The following CDC73 variants were observed in gnomAD, a reference collection of about 807,000 sequenced individuals.
The protein encoded by CDC73 is cell division cycle 73, also known as parafibromin.
CDC73 carries 21 observed loss-of-function variants against 83.7 expected under a neutral mutation model. That is an observed-to-expected ratio of 0.25 (90% CI 0.18 to 0.36). The LOEUF (loss-of-function observed/expected upper bound fraction) is 0.36, where lower values mean the gene tolerates loss of function less well. Ranked by LOEUF, CDC73 falls within the 10% of genes least tolerant of loss-of-function variation. CDC73 has a pLI of 1.00. For synonymous variants in CDC73, 224 were observed against 212.9 expected (o/e 1.05, Z -0.45); for missense variants, 342 against 653.3 (o/e 0.52, Z 5.19).
rs140001425 is a variant in CDC73 at position 193,216,570 on chromosome 1, G to A, written c.1154+4093G>A. 4.3e-3 allele frequency among the ~76,000 whole-genome samples: 661 copies of A among 152,112 alleles called. 24 individuals are homozygous for A. Among genetic ancestry groups the A allele is most frequent in the Admixed American group, 0.037 (565 of 15,274 alleles). ...GAAATCGCCCCAAAAAATCAAGGAG[G>A]AGGGGCTTCCCTAACTCATTCTGTG... On this transcript the variant is annotated intron_variant, in intron 13 of 16. Transcript: ENST00000367435.
chr1:193,182,883 A>T (rs1009920682), intron 10 of CDC73, among the ~76,000 whole-genome samples: 3 of 152,114 alleles, frequency 2.0e-5, no homozygotes, highest in African/African-American at 7.2e-5. Context: ...ATGAATATGT[A>T]ATTTTAATTT....
intron 11 of CDC73, among the ~76,000 whole-genome samples, chr1:193,211,751 C>G (rs545045140): frequency 2.8e-4 from 43 of 152,268 alleles, no homozygotes; most frequent in African/African-American, 9.9e-4. Context: ...CAGTTTCAGT[C>G]TTGTGAATTG....
intron 10 of CDC73, among the ~76,000 whole-genome samples, chr1:193,203,033 T>G (rs1378654702): frequency 6.6e-6 from 1 of 152,104 alleles, no homozygotes; most frequent in Admixed American, 6.5e-5. Context: ...GTTATGAAAT[T>G]TACACTTGCA....
chr1:193,146,980 T>C (rs551675528), intron 7 of CDC73, among the ~76,000 whole-genome samples: 1 of 151,988 alleles, frequency 6.6e-6, no homozygotes, highest in Non-Finnish European at 1.5e-5. Context: ...TTTTGACAAA[T>C]GTATTTATAT....
intron 10 of CDC73, chr1:193,180,854 A>T (rs745692078): frequency 6.2e-7 from 1 of 1,614,014 alleles, no homozygotes; most frequent in South Asian, 1.1e-5. Context: ...GTTGCAACCC[A>T]GTTCATGCCC....
chr1:193,150,549 A>G (rs1248205560), intron 9 of CDC73, among the ~76,000 whole-genome samples, 167 bp downstream of exon 9: 3 of 152,182 alleles, frequency 2.0e-5, no homozygotes, highest in Non-Finnish European at 4.4e-5. Context: ...AACCACACTC[A>G]TTCATTTATG....
At chr1:193,242,725 T>C (rs540859711) in intron 15 of CDC73, among the ~76,000 whole-genome samples, 1 of 152,302 alleles carries the variant, frequency 6.6e-6, no homozygotes, top group East Asian at 1.9e-4. Flanking sequence ...TCTTCTGTAT[T>C]ATCCCTTTAT....
intron 10 of CDC73, among the ~76,000 whole-genome samples, chr1:193,183,829 A>G (rs868359621): frequency 6.6e-6 from 1 of 151,922 alleles, no homozygotes; most frequent in African/African-American, 2.4e-5. Context: ...AATACTTGGA[A>G]TCTGGTTGAA....
rs371281023 is a variant in CDC73 at position 193,187,427 on chromosome 1, A to G, written c.973-16368A>G. 3.9e-5 allele frequency among the ~76,000 whole-genome samples: 6 copies of G among 152,300 alleles called. No individual in the cohort carries two copies. In the East Asian group the frequency reaches 9.6e-4, roughly 24 times the overall value. ...CAGAAAGATTTAATAACTTGCCATG[A>G]GGCAGATTTTATTAACACTACACAC... On this transcript the variant is annotated intron_variant, in intron 10 of 16. Coordinates refer to ENST00000367435, the MANE Select transcript of CDC73 (RefSeq NM_024529.5).
rs533718891 is a variant in CDC73, at chr1:193,190,954, T to G, written c.973-12841T>G. Among the ~76,000 whole-genome samples, 49 of 152,294 alleles carry G rather than the reference T, an allele frequency of 3.2e-4. No homozygotes were observed. The South Asian group carries it at 7.0e-3, about 22-fold the overall frequency. ...ATTTTAGGGCCAGGGTAGGTAGTAGTCCAGTAGTGTGTGGGACAGTCTTTG... is the reference window on the plus strand; with the variant it reads ...ATTTTAGGGCCAGGGTAGGTAGTAGGCCAGTAGTGTGTGGGACAGTCTTTG... On this transcript the variant is annotated intron_variant, in intron 10 of 16. Coordinates refer to ENST00000367435, the MANE Select transcript of CDC73 (RefSeq NM_024529.5).
intron 15 of CDC73, among the ~76,000 whole-genome samples, chr1:193,238,024 T>C (rs1457829119): frequency 6.6e-6 from 1 of 152,186 alleles, no homozygotes; most frequent in Non-Finnish European, 1.5e-5. Context: ...TGTTGAATAA[T>C]GTTTCAACAA....
In CDC73 at chr1:193,251,712, A is replaced by G; in HGVS notation, c.*1000A>G. On this transcript the variant is annotated 3_prime_UTR_variant, in exon 17 of 17. Coordinates refer to ENST00000367435, the MANE Select transcript of CDC73 (RefSeq NM_024529.5). Reference sequence around the variant, plus strand: ...AAAACACTGGTATTTTTATGTCTGTATTCAATATGGTATAAAATATAAAAA... The same window carrying G: ...AAAACACTGGTATTTTTATGTCTGTGTTCAATATGGTATAAAATATAAAAA... 1 of 232,148 alleles carries G rather than the reference A, an allele frequency of 4.3e-6. No homozygotes were observed. Among genetic ancestry groups the G allele is most frequent in the Non-Finnish European group, 8.5e-6 (1 of 117,024 alleles). 14.4% of individuals were successfully genotyped at this position (232,148 alleles called of 1,614,324 possible).
intron 11 of CDC73, among the ~76,000 whole-genome samples, chr1:193,206,831 G>T (rs532187140): frequency 6.6e-6 from 1 of 152,212 alleles, no homozygotes; most frequent in South Asian, 2.1e-4. Flanking sequence ...GTGCTGTTGT[G>T]CCAGGCAAGT....
At chr1:193,201,813 A>G (rs756501213) in intron 10 of CDC73, among the ~76,000 whole-genome samples, 3 of 152,022 alleles carry the variant, frequency 2.0e-5, no homozygotes, top group Non-Finnish European at 2.9e-5. Context: ...ACTCTTTGTT[A>G]TATAATACAG....
At chr1:193,228,861 G>T (rs1281157942) in intron 13 of CDC73, among the ~76,000 whole-genome samples, 2 of 152,070 alleles carry the variant, frequency 1.3e-5, no homozygotes, top group Non-Finnish European at 2.9e-5. Flanking sequence ...CATGCTGGGA[G>T]AAAATCTTTT....
At chr1:193,137,138 A>G (rs1178885107) in intron 5 of CDC73, among the ~76,000 whole-genome samples, 1 of 152,242 alleles carries the variant, frequency 6.6e-6, no homozygotes, top group African/African-American at 2.4e-5. Flanking sequence ...TTTGATAAAA[A>G]TCTAGGCTGC....
intron 10 of CDC73, among the ~76,000 whole-genome samples, chr1:193,174,190 TCTTTACCTCTTAG>T (rs571567006): frequency 5.9e-5 from 9 of 152,268 alleles, no homozygotes; most frequent in African/African-American, 1.9e-4. Flanking sequence ...CTTGACAAGT[TCTTTACCTCTTAG>T]CCTTTCTCCT....
intron 10 of CDC73, among the ~76,000 whole-genome samples, chr1:193,163,151 T>TGTG (rs1491164364): frequency 7.0e-4 from 28 of 39,884 alleles, no homozygotes; most frequent in South Asian, 1.7e-3. Context: ...CTTTGTGGGG[T>TGTG]TGTGTGTGTG....
rs766769816 is a variant in CDC73, at chr1:193,141,802, A to G, written c.513-48A>G. 6.1e-6 allele frequency: 7 copies of G among 1,141,568 alleles called. No homozygotes were observed. The African/African-American group carries it at 1.1e-4, about 18-fold the overall frequency. The allele number at this position is 1,141,568 out of a possible 1,614,324, so 70.7% of individuals were successfully genotyped here. ...ATGTAACAAAATATATTTATGATACACTCCAGGAATGCCTGCTGTGAAAAT... is the reference window on the plus strand; with the variant it reads ...ATGTAACAAAATATATTTATGATACGCTCCAGGAATGCCTGCTGTGAAAAT... On this transcript the variant is annotated intron_variant, in intron 6 of 16. Coordinates refer to ENST00000367435, the MANE Select transcript of CDC73 (RefSeq NM_024529.5).
Sources: gnomAD v4.1 joint callset for allele counts (sites outside exome capture counted in the v4.1 genomes callset) on GRCh38, gnomAD v4.1.1 for gene constraint, MANE v1.5 for transcripts, NCBI Gene and HGNC (gene_info 2026-07-23, HGNC 2026-07-21) for gene names.